The following IGF1R variants were observed in gnomAD, a reference collection of about 807,000 sequenced individuals.
IGF1R encodes the protein insulin like growth factor 1 receptor, also known as insulin-like growth factor 1 receptor.
A neutral mutation model predicts 144.6 loss-of-function variants in IGF1R; 44 were observed. The observed-to-expected ratio is 0.30, with a 90% confidence interval of 0.24 to 0.39. The LOEUF is 0.39. Among genes scored for constraint, IGF1R ranks in the 10% least tolerant of loss-of-function variants. The probability of loss-of-function intolerance (pLI) is 1.00; values close to 1 mark genes in which losing one functional copy is unlikely to be tolerated. For synonymous variants in IGF1R, 795 were observed against 722.8 expected, an observed-to-expected ratio of 1.10 and a Z score of -1.60; for missense variants, 1,355 against 1,833.7, an observed-to-expected ratio of 0.74 and a Z score of 4.77.
At chr15:98,717,973 G>T (rs2054160694) in intron 2 of IGF1R, among the ~76,000 whole-genome samples, 1 of 152,152 alleles carries the variant, frequency 6.6e-6, no homozygotes, top group Non-Finnish European at 1.5e-5. Context: ...ACGTGTGCGT[G>T]TGTGTTTGTG....
At chr15:98,733,425 T>C (rs2054539830) in intron 2 of IGF1R, among the ~76,000 whole-genome samples, 1 of 151,656 alleles carries the variant, frequency 6.6e-6, no homozygotes, top group Non-Finnish European at 1.5e-5. Context: ...CAAGTTATCC[T>C]CCCACCTCAG....
intron 15 of IGF1R, among the ~76,000 whole-genome samples, 197 bp from the exon 16 acceptor site, chr15:98,934,627 T>C (rs1290455949): frequency 6.6e-6 from 1 of 152,224 alleles, no homozygotes; most frequent in East Asian, 1.9e-4. Flanking sequence ...TCTGAAATAC[T>C]AGTACTGACT....
chr15:98,958,805 T>C lies in IGF1R; in HGVS notation c.*1363T>C, dbSNP rs1250267522. The C allele has an allele frequency of 8.6e-6, 2 of 233,254 alleles. No homozygotes were observed. Among genetic ancestry groups the C allele is most frequent in the African/African-American group, 4.4e-5 (2 of 45,320 alleles). The allele number at this position is 233,254 out of a possible 1,614,324, so 14.4% of individuals were successfully genotyped here. A position where few individuals can be genotyped will look rare whatever the true frequency, so the allele number is the denominator to read the frequency against. The stretch of plus-strand genomic sequence containing the variant: ...CTTTCTGCTCACTCCAAGAAACTTC[T>C]TATGCTTTGTACTAGAGTGCGTGAC... On this transcript the variant is annotated 3_prime_UTR_variant, in exon 21 of 21. Transcript: ENST00000650285.
At chr15:98,733,516 C>G (rs2054543339) in intron 2 of IGF1R, among the ~76,000 whole-genome samples, 1 of 152,006 alleles carries the variant, frequency 6.6e-6, no homozygotes. Flanking sequence ...TTCCAAACCC[C>G]CATGTGGTCC....
At chr15:98,748,924 A>T (rs1186089094) in intron 2 of IGF1R, among the ~76,000 whole-genome samples, 1 of 152,202 alleles carries the variant, frequency 6.6e-6, no homozygotes, top group Non-Finnish European at 1.5e-5. Flanking sequence ...AGCTACATTT[A>T]GACTCCACTG....
intron 2 of IGF1R, among the ~76,000 whole-genome samples, chr15:98,749,714 A>G (rs1003740486): frequency 2.7e-4 from 41 of 152,278 alleles, no homozygotes; most frequent in African/African-American, 8.7e-4. Flanking sequence ...CTGTAATCCT[A>G]TCATCCCATA....
intron 2 of IGF1R, among the ~76,000 whole-genome samples, chr15:98,779,828 C>A (rs1248066386): frequency 9.9e-5 from 15 of 152,140 alleles, no homozygotes; most frequent in Admixed American, 4.6e-4. Context: ...AGCCTGTTGG[C>A]ACAGGGGTGA....
intron 2 of IGF1R, among the ~76,000 whole-genome samples, chr15:98,774,161 T>G (rs891599133): frequency 2.0e-5 from 3 of 152,180 alleles, no homozygotes; most frequent in African/African-American, 7.2e-5. Context: ...ACTGAAGCTT[T>G]ATGAGCCTTT....
intron 2 of IGF1R, among the ~76,000 whole-genome samples, chr15:98,815,340 T>G (rs893369172): frequency 6.6e-6 from 1 of 152,196 alleles, no homozygotes; most frequent in African/African-American, 2.4e-5. Flanking sequence ...AACCTCTTCC[T>G]GTTGCTCCTT....
Position 98,958,415 on chromosome 15 carries a change from C to G in IGF1R, c.*973C>G, listed in dbSNP as rs576022812. ...GCTTCTCTCCCAGCCCCAGCTCCCC[C>G]GCCCGCCCCCAAGGACACAGATGGG... On this transcript the variant is annotated 3_prime_UTR_variant, in exon 21 of 21. Coordinates refer to ENST00000650285, the MANE Select transcript of IGF1R (RefSeq NM_000875.5). The G allele has an allele frequency of 8.8e-6, 2 of 228,092 alleles. No homozygotes were observed. Among genetic ancestry groups the G allele is most frequent in the Non-Finnish European group, 1.7e-5 (2 of 114,912 alleles). 14.1% of individuals were successfully genotyped at this position (228,092 alleles called of 1,614,324 possible).
At chr15:98,916,923 G>C in intron 10 of IGF1R, 47 bp downstream of exon 10, 1 of 1,548,766 alleles carries the variant, frequency 6.5e-7, no homozygotes, top group East Asian at 2.2e-5. Flanking sequence ...CACTGCTCAG[G>C]CCGGTTCTGT....
At chr15:98,726,762 C>G (rs1174291311) in intron 2 of IGF1R, among the ~76,000 whole-genome samples, 1 of 148,330 alleles carries the variant, frequency 6.7e-6, no homozygotes, top group Non-Finnish European at 1.5e-5. Context: ...TCTTGTCACC[C>G]CGGCTGGAGT....
At chr15:98,805,237 G>T (rs2056446702) in intron 2 of IGF1R, among the ~76,000 whole-genome samples, 1 of 152,090 alleles carries the variant, frequency 6.6e-6, no homozygotes, top group Non-Finnish European at 1.5e-5. Context: ...ACTTTATGCT[G>T]CCAGAGTTGG....
chr15:98,950,163 C>G (rs2016718563), intron 20 of IGF1R, among the ~76,000 whole-genome samples: 2 of 152,206 alleles, frequency 1.3e-5, no homozygotes, highest in Non-Finnish European at 2.9e-5. Context: ...GTTATGTCTG[C>G]ATGAAGGCAC....
intron 2 of IGF1R, among the ~76,000 whole-genome samples, chr15:98,740,963 C>T (rs1050477423): frequency 3.9e-5 from 6 of 152,092 alleles, no homozygotes; most frequent in African/African-American, 7.2e-5. Context: ...CTTTGCTGGT[C>T]GGCAAATCTC....
Position 98,964,023 on chromosome 15 carries a change from G to T in IGF1R, c.*6581G>T, listed in dbSNP as rs529311642. ...TTGGCGTTGCACACACACATCCACCGGTGGAAGAGACGCCCGGTGAAAACA... is the reference window on the plus strand; with the variant it reads ...TTGGCGTTGCACACACACATCCACCTGTGGAAGAGACGCCCGGTGAAAACA... On this transcript the variant is annotated 3_prime_UTR_variant, in exon 21 of 21. Coordinates refer to ENST00000650285, the MANE Select transcript of IGF1R (RefSeq NM_000875.5). The T allele has an allele frequency of 2.1e-5, 5 of 232,962 alleles. No homozygotes were observed. Among genetic ancestry groups the T allele is most frequent in the Non-Finnish European group, 4.2e-5 (5 of 117,728 alleles). 14.4% of individuals were successfully genotyped at this position (232,962 alleles called of 1,614,324 possible).
chr15:98,903,121 A>G (rs1446095999), intron 5 of IGF1R, among the ~76,000 whole-genome samples: 1 of 152,222 alleles, frequency 6.6e-6, no homozygotes, highest in African/African-American at 2.4e-5. Flanking sequence ...TTTACAAAGG[A>G]AACAGGTTTT....
intron 2 of IGF1R, among the ~76,000 whole-genome samples, chr15:98,716,644 A>G (rs2054124550): frequency 6.6e-6 from 1 of 152,160 alleles, no homozygotes; most frequent in African/African-American, 2.4e-5. Context: ...AGCCCTGGTA[A>G]ACGTTTGAAC....
At chr15:98,734,976 A>G (rs1262029128) in intron 2 of IGF1R, among the ~76,000 whole-genome samples, 2 of 152,150 alleles carry the variant, frequency 1.3e-5, no homozygotes, top group Non-Finnish European at 2.9e-5. Flanking sequence ...TAAAACAAGT[A>G]TGGGTAGCGG....
Sources: allele counts gnomAD v4.1 joint callset (sites outside exome capture counted in the v4.1 genomes callset), GRCh38; gene constraint gnomAD v4.1.1; transcripts MANE v1.5; gene names NCBI Gene and HGNC (gene_info 2026-07-23, HGNC 2026-07-21).